Variants in PTPRD observed in about 807,000 individuals in gnomAD.
PTPRD encodes the protein protein tyrosine phosphatase receptor type D.
A neutral mutation model predicts 214.5 loss-of-function variants in PTPRD; 34 were observed. The observed-to-expected ratio is 0.16, with a 90% CI of 0.12 to 0.21. The LOEUF (loss-of-function observed/expected upper bound fraction) is 0.21. PTPRD is among the 10% of genes least tolerant of loss of function. The pLI is 1.00. For synonymous variants in PTPRD, 1,128 were observed against 845.7 expected, an observed-to-expected ratio of 1.33 and a Z score of -5.79; for missense variants, 2,545 against 2,398.7, an observed-to-expected ratio of 1.06 and a Z score of -1.27.
intron 6 of PTPRD, among the ~76,000 whole-genome samples, chr9:9,741,923 C>T (rs571581316): frequency 5.9e-5 from 9 of 152,232 alleles, no homozygotes; most frequent in Non-Finnish European, 1.2e-4. Context: ...CATACATGAG[C>T]ATGTGTCTTT....
intron 8 of PTPRD, among the ~76,000 whole-genome samples, chr9:9,483,057 GCATT>G (rs1169700334): frequency 6.6e-6 from 1 of 152,144 alleles, no homozygotes; most frequent in African/African-American, 2.4e-5. Flanking sequence ...AAAAAAATCT[GCATT>G]CAGAGTATGA....
chr9:10,031,625 CATATAT>C (rs1171466919), intron 4 of PTPRD, among the ~76,000 whole-genome samples: 1 of 87,402 alleles, frequency 1.1e-5, no homozygotes, highest in Admixed American at 1.3e-4. Flanking sequence ...TAAAAAACTC[CATATAT>C]ATATATATAT....
chr9:8,923,874 T>C (rs993613145), intron 11 of PTPRD, among the ~76,000 whole-genome samples: 2 of 152,194 alleles, frequency 1.3e-5, no homozygotes, highest in Non-Finnish European at 2.9e-5. Context: ...AAGCTCTGCC[T>C]TTTTGAGCAA....
chr9:8,921,492 G>T (rs545867398), intron 11 of PTPRD, among the ~76,000 whole-genome samples: 1 of 150,376 alleles, frequency 6.6e-6, no homozygotes, highest in Admixed American at 6.7e-5. Flanking sequence ...AAAAGTTTTC[G>T]CATTTTTTTT....
intron 7 of PTPRD, among the ~76,000 whole-genome samples, chr9:9,659,753 C>T (rs1007837923): frequency 6.6e-6 from 1 of 152,032 alleles, no homozygotes; most frequent in Admixed American, 6.6e-5. Flanking sequence ...GTGATTCAAT[C>T]TCATCACAAG....
rs189172228 is a variant in PTPRD, at chr9:9,965,488, T to C, written c.-471-26878A>G. Among the ~76,000 whole-genome samples the C allele has an allele frequency of 2.6e-3, 391 of 152,250 alleles. 2 individuals are homozygous for C. Among genetic ancestry groups the C allele is most frequent in the African/African-American group, 8.9e-3 (369 of 41,546 alleles). ...CAGGAGATAATGTTAGACAATGAGA[T>C]TGAATATGTAGACAGCAGGTCAGTT... On this transcript the variant is annotated intron_variant, in intron 4 of 45. Transcript: ENST00000381196.
intron 11 of PTPRD, among the ~76,000 whole-genome samples, chr9:8,978,306 G>C (rs1336054238): frequency 1.3e-5 from 2 of 152,094 alleles, no homozygotes; most frequent in Non-Finnish European, 2.9e-5. Flanking sequence ...TGGCATTATG[G>C]TTGTTACTGT....
chr9:8,894,798 T>C (rs578153423), intron 11 of PTPRD, among the ~76,000 whole-genome samples: 13 of 152,138 alleles, frequency 8.5e-5, no homozygotes, highest in African/African-American at 3.1e-4. Context: ...TTTTATGATA[T>C]GTCCTTGTTG....
At chr9:10,256,446 G>C (rs1324346369) in intron 3 of PTPRD, among the ~76,000 whole-genome samples, 1 of 150,152 alleles carries the variant, frequency 6.7e-6, no homozygotes, top group African/African-American at 2.5e-5. Context: ...TAAAAATACA[G>C]TATACTATAT....
chr9:9,757,926 T>TG (rs369474148), intron 6 of PTPRD, among the ~76,000 whole-genome samples: 17 of 152,048 alleles, frequency 1.1e-4, no homozygotes, highest in African/African-American at 4.1e-4. Flanking sequence ...AGCCATTTCC[T>TG]GGGGGGTTCC....
At chr9:9,586,687 T>C (rs574496851) in intron 7 of PTPRD, among the ~76,000 whole-genome samples, 12 of 152,112 alleles carry the variant, frequency 7.9e-5, no homozygotes, top group African/African-American at 2.6e-4. Context: ...AGGTTGGACA[T>C]TGATAAATGG....
At chr9:9,265,418 G>GT (rs1331281809) in intron 9 of PTPRD, among the ~76,000 whole-genome samples, 1 of 151,134 alleles carries the variant, frequency 6.6e-6, no homozygotes, top group South Asian at 2.1e-4. Context: ...CACACCTAGC[G>GT]TTTTTTTGTT....
rs1030543908 is a variant in PTPRD at position 8,460,195 on chromosome 9, G to A, written c.3875+216C>T. 1.8e-5 allele frequency: 11 copies of A among 605,274 alleles called. No homozygotes were observed. In the African/African-American group the frequency reaches 2.0e-4, roughly 11 times the overall value. 37.5% of individuals were successfully genotyped at this position (605,274 alleles called of 1,614,324 possible). A position where few individuals can be genotyped will look rare whatever the true frequency, so the allele number is the denominator to read the frequency against. ...TGGAGGCCAGAATAGATGCATGTTG[G>A]ACAACAGAAGTCTATACCAAAACTG... is the stretch of plus-strand genomic sequence containing the variant. On this transcript the variant is annotated intron_variant, in intron 33 of 45. Coordinates refer to ENST00000381196, the MANE Select transcript of PTPRD (RefSeq NM_002839.4).
intron 5 of PTPRD, among the ~76,000 whole-genome samples, chr9:9,778,076 C>T (rs1188707359): frequency 6.6e-6 from 1 of 152,132 alleles, no homozygotes; most frequent in Non-Finnish European, 1.5e-5. Context: ...AAGTGACACT[C>T]CCATTGAGAG....
chr9:8,530,969 G>GA (rs1252126821), intron 14 of PTPRD, among the ~76,000 whole-genome samples: 1 of 152,114 alleles, frequency 6.6e-6, no homozygotes, highest in African/African-American at 2.4e-5. Context: ...AGGCAAGTTT[G>GA]ATTTGACACC....
chr9:8,880,246 A>G (rs1240044984), intron 11 of PTPRD, among the ~76,000 whole-genome samples: 12 of 152,262 alleles, frequency 7.9e-5, no homozygotes, highest in African/African-American at 1.9e-4. Flanking sequence ...CATGTTTATA[A>G]TCACTGAATA....
intron 12 of PTPRD, among the ~76,000 whole-genome samples, chr9:8,685,862 A>C (rs1323480574): frequency 6.6e-6 from 1 of 152,226 alleles, no homozygotes; most frequent in African/African-American, 2.4e-5. Context: ...TAAAATGCCA[A>C]ACGAGCACTA....
At chr9:8,427,120 G>A (rs1206241746) in intron 35 of PTPRD, among the ~76,000 whole-genome samples, 4 of 152,164 alleles carry the variant, frequency 2.6e-5, no homozygotes, top group Non-Finnish European at 5.9e-5. Flanking sequence ...CATGTTCTCA[G>A]ATGGCCGACT....
At chr9:9,937,817 C>G (rs2153957492) in intron 5 of PTPRD, among the ~76,000 whole-genome samples, 1 of 152,224 alleles carries the variant, frequency 6.6e-6, no homozygotes, top group African/African-American at 2.4e-5. Context: ...AAAAAATAAG[C>G]TGTATAATAC....
Sources: gnomAD v4.1 joint callset for allele counts (sites outside exome capture counted in the v4.1 genomes callset) on GRCh38, gnomAD v4.1.1 for gene constraint, MANE v1.5 for transcripts, NCBI Gene and HGNC (gene_info 2026-07-23, HGNC 2026-07-21) for gene names.